The following THOC5 variants were observed in gnomAD, a reference collection of about 807,000 sequenced individuals.
The protein encoded by THOC5 is Fms-interacting protein.
Under a neutral mutation model 92.9 loss-of-function variants are expected in THOC5, and 43 were observed. That is an observed-to-expected ratio of 0.46 (90% CI 0.36 to 0.60). The LOEUF is 0.60. Ranked by LOEUF, THOC5 falls within the 20% of genes least tolerant of loss-of-function variation. The pLI is 0.00. For missense variants in THOC5, 659 were observed against 849.4 expected, an observed-to-expected ratio of 0.78 and a Z score of 2.79; for synonymous variants, 296 against 320.1, an observed-to-expected ratio of 0.92 and a Z score of 0.80.
Position 29,519,104 on chromosome 22 carries a change from T to C in THOC5, c.1391A>G (p.Asp464Gly), listed in dbSNP as rs1211125935. 6.2e-7 allele frequency: 1 copy of C among 1,610,822 alleles called. No individual in the cohort carries two copies. Among genetic ancestry groups the C allele is most frequent in the Non-Finnish European group, 8.5e-7 (1 of 1,178,422 alleles). ...KEQPQQTVIA[D>G]HSLSASHMET... ...CATGTGGCTGGCGCTCAGCGAGTGG[T>C]CAGCAATCACTGTTTGCTGTGAGTG... The change falls in exon 15 of 20, where the codon GAC (aspartate) becomes GGC (glycine). Residue 464 changes from aspartate (D) to glycine (G), a missense_variant. Coordinates refer to ENST00000490103, the MANE Select transcript of THOC5 (RefSeq NM_003678.5).
At chr22:29,552,797 G>T (rs1410447678) in intron 1 of THOC5, among the ~76,000 whole-genome samples, 1 of 152,192 alleles carries the variant, frequency 6.6e-6, no homozygotes, top group Non-Finnish European at 1.5e-5. Flanking sequence ...GTCTAGTAGA[G>T]AGGGGGGAAA....
chr22:29,548,931 G>A, intron 2 of THOC5, 121 bp downstream of exon 2: 1 of 811,596 alleles, frequency 1.2e-6, no homozygotes, highest in Non-Finnish European at 1.9e-6. Flanking sequence ...ACCTGGTCAA[G>A]TGGAAGCCAC....
chr22:29,513,723 C>T (rs1185825611), intron 17 of THOC5, among the ~76,000 whole-genome samples: 2 of 151,918 alleles, frequency 1.3e-5, no homozygotes, highest in Admixed American at 6.6e-5. Flanking sequence ...TCTGGCCAGG[C>T]GTCGTGGCTC....
chr22:29,527,311 T>C (rs1258542746), intron 11 of THOC5, among the ~76,000 whole-genome samples: 2 of 152,256 alleles, frequency 1.3e-5, no homozygotes, highest in East Asian at 1.9e-4. Flanking sequence ...CCCCGCTACT[T>C]GGGAGGCTGA....
intron 1 of THOC5, among the ~76,000 whole-genome samples, chr22:29,552,173 A>G (rs2064167515): frequency 6.6e-6 from 1 of 152,124 alleles, no homozygotes; most frequent in Admixed American, 6.5e-5. Flanking sequence ...GGCCTCCCAA[A>G]GTGCCAAGAT....
rs2063159625 is a variant in THOC5, at chr22:29,508,416, C to CA, written c.*40dup. 8.8e-6 allele frequency: 14 copies of CA among 1,597,796 alleles called. No individual in the cohort carries two copies. The East Asian group carries it at 3.1e-4, about 36-fold the overall frequency. ...GAGCAGAAAGCAGAAGCCCAGTGCT[C>CA]AGGGTGAGGCCTTGGGGGAAACAAC... On this transcript the variant is annotated 3_prime_UTR_variant, in exon 20 of 20. Transcript: ENST00000490103.
rs565352507 is a variant in THOC5, at chr22:29,507,923, G to A, written c.*534C>T. 1 of 155,494 alleles carries A rather than the reference G, an allele frequency of 6.4e-6. No homozygotes were observed. The highest frequency in any genetic ancestry group is 1.4e-5 in the Non-Finnish European group (1 of 70,152). 9.6% of individuals were successfully genotyped at this position (155,494 alleles called of 1,614,324 possible). On this transcript the variant is annotated 3_prime_UTR_variant, in exon 20 of 20. Transcript: ENST00000490103. ...AGTTGTTCAAGGATCAACTGAGTTT[G>A]TCTTCTGTTTGCACTGCACTGTCAG...
chr22:29,539,405 T>C lies in THOC5; in HGVS notation c.524A>G (p.Lys175Arg). The change falls in exon 6 of 20, where the codon AAG becomes AGG. Residue 175 changes from lysine (K) to arginine (R), a missense_variant. By Grantham distance (26) the Lys-to-Arg change is conservative. Coordinates refer to ENST00000490103, the MANE Select transcript of THOC5 (RefSeq NM_003678.5). ...FYKEAPPDIS[K>R]AEVTMGDPHQ... ...AGGGTCTCCCATGGTGACTTCGGCC[T>C]TGCTGATATCTGGTGGAGCCTCCTT... 1 of 1,614,142 alleles carries C rather than the reference T, an allele frequency of 6.2e-7. No homozygotes were observed. The highest frequency in any genetic ancestry group is 8.5e-7 in the Non-Finnish European group (1 of 1,179,988).
chr22:29,535,786 C>A (rs1342249865), intron 7 of THOC5: 2 of 152,160 alleles, frequency 1.3e-5, no homozygotes, highest in Non-Finnish European at 2.9e-5. Flanking sequence ...CTGGAGCGAT[C>A]CTCCTGCCTC....
chr22:29,528,295 T>A (rs760783206), intron 10 of THOC5, 118 bp from the exon 11 acceptor site: 10 of 1,613,972 alleles, frequency 6.2e-6, no homozygotes, highest in Non-Finnish European at 8.5e-6. Flanking sequence ...GCTAGCTGGG[T>A]TGTCAGACTC....
chr22:29,531,765 A>G (rs1472010408), intron 8 of THOC5, 66 bp downstream of exon 8: 25 of 1,572,288 alleles, frequency 1.6e-5, no homozygotes, highest in South Asian at 1.1e-4. Context: ...ACTGCTTCCA[A>G]CTGATTCACT....
intron 1 of THOC5, 113 bp from the exon 2 acceptor site, chr22:29,549,271 C>T: frequency 1.2e-6 from 1 of 831,916 alleles, no homozygotes; most frequent in Non-Finnish European, 2.0e-6. Context: ...TTTAACCCCT[C>T]AAAGCCTCAA....
chr22:29,549,241 T>C, intron 1 of THOC5, 83 bp from the exon 2 acceptor site: 1 of 1,259,426 alleles, frequency 7.9e-7, no homozygotes, highest in African/African-American at 1.5e-5. Flanking sequence ...CTTACAGACT[T>C]GGTAACTCAA....
At chr22:29,538,713 C>T (rs560089579) in intron 6 of THOC5, among the ~76,000 whole-genome samples, 23 of 144,722 alleles carry the variant, frequency 1.6e-4, no homozygotes, top group Non-Finnish European at 2.7e-4. Context: ...AGAAGGATCG[C>T]TTGAGCCCAG....
intron 19 of THOC5, among the ~76,000 whole-genome samples, chr22:29,510,478 G>T (rs915535780): frequency 6.6e-6 from 1 of 152,056 alleles, no homozygotes; most frequent in Non-Finnish European, 1.5e-5. Context: ...CATGTCTGTG[G>T]TCCCAGCTAC....
rs1044804463 is a variant in THOC5, at chr22:29,507,704, G to A, written c.*753C>T. 4 of 152,160 alleles carry A rather than the reference G, an allele frequency of 2.6e-5. No homozygotes were observed. The highest frequency in any genetic ancestry group is 9.7e-5 in the African/African-American group (4 of 41,424). The allele number at this position is 152,160 out of a possible 1,614,324, so 9.4% of individuals were successfully genotyped here. A position where few individuals can be genotyped will look rare whatever the true frequency, so the allele number is the denominator to read the frequency against. ...AACATTTTCTTTTCTCTAGTTTACTGTATTGTAAGAATACAGTGTATAAGA... is the reference window on the plus strand; with the variant it reads ...AACATTTTCTTTTCTCTAGTTTACTATATTGTAAGAATACAGTGTATAAGA... On this transcript the variant is annotated 3_prime_UTR_variant, in exon 20 of 20. Coordinates refer to ENST00000490103, the MANE Select transcript of THOC5 (RefSeq NM_003678.5).
rs914458160 is a variant in THOC5, at chr22:29,512,237, C to T, written c.1682-101G>A. On this transcript the variant is annotated intron_variant, in intron 17 of 19. Transcript: ENST00000490103. ...CCCCTGAGGCTAGCTCAGATGTCTCCTATTAATCTGAATGCTGCAGAGTAT... is the reference window on the plus strand; with the variant it reads ...CCCCTGAGGCTAGCTCAGATGTCTCTTATTAATCTGAATGCTGCAGAGTAT... The T allele has an allele frequency of 1.4e-5, 12 of 830,462 alleles. No homozygotes were observed. In the Admixed American group the frequency reaches 2.6e-4, roughly 18 times the overall value. 51.4% of individuals were successfully genotyped at this position (830,462 alleles called of 1,614,324 possible).
chr22:29,548,041 C>T (rs1418208666), intron 2 of THOC5, among the ~76,000 whole-genome samples: 1 of 152,060 alleles, frequency 6.6e-6, no homozygotes, highest in Non-Finnish European at 1.5e-5. Context: ...CCCTGATGAG[C>T]GCATCAGATC....
chr22:29,536,777 CCA>C lies in THOC5; in HGVS notation c.600-41_600-40del, dbSNP rs750968832. 15 of 1,103,718 alleles carry C rather than the reference CCA, an allele frequency of 1.4e-5. No individual in the cohort carries two copies. The African/African-American group carries it at 2.1e-4, about 16-fold the overall frequency. The allele number at this position is 1,103,718 out of a possible 1,614,324, so 68.4% of individuals were successfully genotyped here. On this transcript the variant is annotated intron_variant, in intron 6 of 19. Transcript: ENST00000490103. ...AAAGAGCATTGTCACCTGATATCCC[CCA>C]GTGATACCTCAACATGCCTGTTCAC...
Sources: allele counts gnomAD v4.1 joint callset (sites outside exome capture counted in the v4.1 genomes callset), GRCh38; gene constraint gnomAD v4.1.1; transcripts MANE v1.5; gene names NCBI Gene and HGNC (gene_info 2026-07-23, HGNC 2026-07-21).